NRL: variants seen among roughly 807,000 people sequenced by gnomAD.
NRL encodes the protein neural retina leucine zipper.
Under a neutral mutation model 12.5 loss-of-function variants are expected in NRL, and 16 were observed. The ratio of observed to expected loss-of-function variants is 1.28; its 90% CI spans 0.87 to 1.95. NRL has a LOEUF of 1.95. NRL is among the 30% of genes most tolerant of loss of function. NRL has a pLI of 0.00. For synonymous variants in NRL, 142 were observed against 150.9 expected (o/e 0.94, Z 0.43); for missense variants, 314 against 325.8 (o/e 0.96, Z 0.28).
intron 1 of NRL, among the ~76,000 whole-genome samples, chr14:24,096,228 C>CTTTTTT (rs34592767): frequency 5.1e-4 from 30 of 58,882 alleles, no homozygotes; most frequent in South Asian, 1.0e-3. Context: ...CTACTCATTT[C>CTTTTTT]TTTTTTTTTT....
rs565948759 is a variant in NRL, at chr14:24,107,177, G to C, written c.-28+7545C>G. Among the ~76,000 whole-genome samples the C allele has an allele frequency of 2.3e-3, 348 of 152,286 alleles. 1 individual carries two copies. Among genetic ancestry groups the C allele is most frequent in the African/African-American group, 7.9e-3 (329 of 41,562 alleles). On this transcript the variant is annotated intron_variant, in intron 1 of 2. Coordinates refer to ENST00000561028, the MANE Select transcript of NRL (RefSeq NM_001354768.3). ...TCCAGCTAAGAGGCAGGGAACTGGG[G>C]TTCCAGGCACCTTTCTGGTATCTTC...
chr14:24,089,433 A>G (rs2036556193), intron 1 of NRL, among the ~76,000 whole-genome samples: 1 of 151,580 alleles, frequency 6.6e-6, no homozygotes, highest in Admixed American at 6.6e-5. Context: ...TTTTGTAGAG[A>G]AGAAGTCTCA....
intron 1 of NRL, chr14:24,103,448 A>G: frequency 1.4e-6 from 2 of 1,392,478 alleles, no homozygotes; most frequent in Non-Finnish European, 2.0e-6. Context: ...AACTGGATGC[A>G]GGGTGCCCTT....
chr14:24,114,294 G>C (rs1271163247), intron 1 of NRL: 2 of 152,314 alleles, frequency 1.3e-5, no homozygotes, highest in African/African-American at 4.8e-5. Flanking sequence ...GTCTAAAAGG[G>C]GACCGTCCCA....
At chr14:24,111,716 T>G (rs2037423120) in intron 1 of NRL, among the ~76,000 whole-genome samples, 2 of 152,026 alleles carry the variant, frequency 1.3e-5, no homozygotes, top group Admixed American at 1.3e-4. Context: ...AAGTTGCTTA[T>G]CAGCTTAAGG....
chr14:24,091,644 A>G (rs1566567190), intron 1 of NRL, among the ~76,000 whole-genome samples: 1 of 152,184 alleles, frequency 6.6e-6, no homozygotes, highest in Non-Finnish European at 1.5e-5. Context: ...AATTAGAGTC[A>G]GAAAGATATG....
intron 1 of NRL, among the ~76,000 whole-genome samples, chr14:24,105,644 C>T (rs139088529): frequency 6.6e-5 from 10 of 152,354 alleles, no homozygotes; most frequent in Non-Finnish European, 1.0e-4. Context: ...TTCCACCGGG[C>T]GCAGTGGCTC....
chr14:24,103,978 TC>T, intron 1 of NRL: 1 of 1,601,522 alleles, frequency 6.2e-7, no homozygotes, highest in Non-Finnish European at 8.6e-7. Flanking sequence ...GAGGCCCTAG[TC>T]TAGCAAGAGG....
intron 1 of NRL, chr14:24,100,363 C>T: frequency 1.4e-6 from 2 of 1,451,978 alleles, no homozygotes; most frequent in Middle Eastern, 1.9e-4. Flanking sequence ...CAGGCAAAAT[C>T]TCAGTTCATG....
At chr14:24,104,673 A>C (rs1047450088) in intron 1 of NRL, among the ~76,000 whole-genome samples, 28 of 151,998 alleles carry the variant, frequency 1.8e-4, no homozygotes, top group African/African-American at 5.3e-4. Context: ...CAAAACAAAA[A>C]AAAAACTGAG....
rs1234997881 is a variant in NRL, at chr14:24,079,439, G to A, written c.*1797C>T. Among the ~76,000 whole-genome samples, 1 of 152,204 alleles carries A rather than the reference G, an allele frequency of 6.6e-6. No homozygotes were observed. The highest frequency in any genetic ancestry group is 1.5e-5 in the Non-Finnish European group (1 of 68,036). On this transcript the variant is annotated 3_prime_UTR_variant, in exon 3 of 3. Coordinates refer to ENST00000561028, the MANE Select transcript of NRL (RefSeq NM_001354768.3). ...AAGAAAGAGAAGCTAAAGGTTCTGT[G>A]AGCCCCTCAGAGAGAGAATCCAGAG...
chr14:24,080,156 A>G lies in NRL; in HGVS notation c.*1080T>C, dbSNP rs2036237098. 6.6e-6 allele frequency: 1 copy of G among 152,248 alleles called. No individual in the cohort carries two copies. The highest frequency in any genetic ancestry group is 2.1e-4 in the South Asian group (1 of 4,828). 9.4% of individuals were successfully genotyped at this position (152,248 alleles called of 1,614,324 possible). ...GCAAGAACATTTAGCTTATTGCATT[A>G]GAATTCTGCCTGGACTTCAAGTTTA... On this transcript the variant is annotated 3_prime_UTR_variant, in exon 3 of 3. Transcript: ENST00000561028.
At chr14:24,087,452 G>A (rs996924835) in intron 1 of NRL, among the ~76,000 whole-genome samples, 6 of 152,104 alleles carry the variant, frequency 3.9e-5, no homozygotes, top group African/African-American at 7.2e-5. Flanking sequence ...CTGCAGGAGT[G>A]GGGTAGAAAA....
At position 24,107,391 on chromosome 14, in the gene NRL, T is replaced by C. The variant is rs1218412869; in HGVS notation, c.-28+7331A>G. ...AACAAAGTTATGGCTGAATAAACTA[T>C]CATAAAGTGAACACCTTTGGAACAC... On this transcript the variant is annotated intron_variant, in intron 1 of 2. Transcript: ENST00000561028. Among the ~76,000 whole-genome samples the C allele has an allele frequency of 2.0e-5, 3 of 152,176 alleles. No individual in the cohort carries two copies. The East Asian group carries it at 5.8e-4, about 29-fold the overall frequency.
chr14:24,104,009 G>A (rs1181381312), intron 1 of NRL: 12 of 1,408,704 alleles, frequency 8.5e-6, no homozygotes, highest in Admixed American at 5.2e-5. Flanking sequence ...CCTCATCTGG[G>A]AATAGGGAAG....
At chr14:24,097,404 A>T (rs2036936543) in intron 1 of NRL, among the ~76,000 whole-genome samples, 1 of 151,444 alleles carries the variant, frequency 6.6e-6, no homozygotes. Context: ...AAAAAAAAAA[A>T]AATACAAAAA....
chr14:24,098,179 T>G (rs750129430), intron 1 of NRL: 9 of 1,571,938 alleles, frequency 5.7e-6, no homozygotes, highest in Admixed American at 5.4e-5. Flanking sequence ...GCCACCATCT[T>G]CCTGACAATC....
At chr14:24,099,239 G>T in intron 1 of NRL, 3 of 1,589,556 alleles carry the variant, frequency 1.9e-6, no homozygotes, top group Non-Finnish European at 2.6e-6. Flanking sequence ...ACATGCTGGT[G>T]AGGGCCTGGT....
In NRL at chr14:24,094,317, C is replaced by T. The variant is rs1486039599; in HGVS notation, c.-27-11442G>A. 5.3e-6 allele frequency: 7 copies of T among 1,324,282 alleles called. No individual in the cohort carries two copies. In the East Asian group the frequency reaches 1.1e-4, roughly 20 times the overall value. The allele number at this position is 1,324,282 out of a possible 1,614,324, so 82.0% of individuals were successfully genotyped here. On this transcript the variant is annotated intron_variant, in intron 1 of 2. Transcript: ENST00000561028. The surrounding 1 kb of genome is among the most constrained non-coding windows in gnomAD (Gnocchi z 4.1). ...CCTCCCGCCAGCCTCTGCTGTGGCT[C>T]GCTTCGCCGCGCTCCCTCCTTCCCC...
Sources: gnomAD v4.1 joint callset for allele counts (sites outside exome capture counted in the v4.1 genomes callset) on GRCh38, gnomAD v4.1.1 for gene constraint, Gnocchi (gnomAD v3.1) non-coding constraint, MANE v1.5 for transcripts, NCBI Gene and HGNC (gene_info 2026-07-23, HGNC 2026-07-21) for gene names.